The following RECQL4 variants were observed in gnomAD, a reference collection of about 807,000 sequenced individuals.
RECQL4 encodes RecQ like helicase 4.
In RECQL4, 158 loss-of-function variants were observed where a neutral mutation model predicts 128.6. That is an observed-to-expected ratio of 1.23 (90% CI 1.08 to 1.40). The LOEUF is 1.40. Ranked by LOEUF, RECQL4 falls within the 40% of genes most tolerant of loss-of-function variation. RECQL4 has a pLI of 0.00. For missense variants in RECQL4, 2,293 were observed against 1,649.8 expected, an observed-to-expected ratio of 1.39 and a Z score of -6.75; for synonymous variants, 996 against 678.9, an observed-to-expected ratio of 1.47 and a Z score of -7.26.
Position 144,512,931 on chromosome 8 carries a change from G to T in RECQL4, c.2671C>A (p.Pro891Thr), listed in dbSNP as rs757175211. ...EAEQLSHQAA[P>T]GPRRVCMGHE... is the part of the protein sequence containing the mutation. ...CCCATGCAGACCCTTCTGGGTCCTG[G>T]GGCTGCTTGGTGGCTAAGCTGCTCA... The change falls in exon 15 of 21, where the codon CCA becomes ACA. Residue 891 changes from proline (P) to threonine (T), a missense_variant. Physicochemically the swap from Pro to Thr is conservative, Grantham distance 38. Coordinates refer to ENST00000617875, the MANE Select transcript of RECQL4 (RefSeq NM_004260.4). 1.3e-6 allele frequency: 2 copies of T among 1,578,528 alleles called. No individual in the cohort carries two copies. The highest frequency in any genetic ancestry group is 1.7e-6 in the Non-Finnish European group (2 of 1,162,442).
At position 144,512,014 on chromosome 8, in the gene RECQL4, C is replaced by CT; in HGVS notation, c.3289dup (p.Ser1097LysfsTer13). On this transcript the variant is annotated frameshift_variant, in exon 19 of 21. Transcript: ENST00000617875. LOFTEE classifies it high-confidence loss of function. ...GCCGAGCAGGTCCTTGAGCCTGGTG[C>CT]TGCGCTCCTCATCCTGCTGCTCCAG... 6.2e-7 allele frequency: 1 copy of CT among 1,609,150 alleles called. No individual in the cohort carries two copies. The highest frequency in any genetic ancestry group is 8.5e-7 in the Non-Finnish European group (1 of 1,178,874).
Position 144,515,470 on chromosome 8 carries a change from GGA to G in RECQL4, c.1259-15_1259-14del, listed in dbSNP as rs1828022407. The G allele has an allele frequency of 6.2e-7, 1 of 1,612,430 alleles. No individual in the cohort carries two copies. The highest frequency in any genetic ancestry group is 8.5e-7 in the Non-Finnish European group (1 of 1,179,812). ...TCTTCCTCACTTGCTGGGGCAGGCAGGAGAGGGTAGAATGGGAGCTCCAGGTC... is the reference window on the plus strand; with the variant it reads ...TCTTCCTCACTTGCTGGGGCAGGCAGGAGGGTAGAATGGGAGCTCCAGGTC... On this transcript the variant is annotated splice_polypyrimidine_tract_variant and intron_variant, in intron 6 of 20. Coordinates refer to ENST00000617875, the MANE Select transcript of RECQL4 (RefSeq NM_004260.4).
At chr8:144,512,612 C>G (rs1426294498) in intron 16 of RECQL4, 30 bp downstream of exon 16, 1 of 1,611,740 alleles carries the variant, frequency 6.2e-7, no homozygotes, top group Non-Finnish European at 8.5e-7. Flanking sequence ...ATTCTCCAAC[C>G]TCGTCTCCAA....
At position 144,513,129 on chromosome 8, in the gene RECQL4, G is replaced by A. The variant is rs371519199; in HGVS notation, c.2473C>T (p.Leu825=). Residue 825 remains leucine, a synonymous_variant, in exon 15 of 21, where the codon CTG becomes TTG. Transcript: ENST00000617875. ...TGCACATGTCTGCGCAGCTCTCGCA[G>A]GTCTTCGCCCTGCAGGGCAACTTTC... ...HLFLQPQGED[L]RELRRHVHAD... is the part of the protein sequence containing the mutation. 9.2e-6 allele frequency: 14 copies of A among 1,522,538 alleles called. No individual in the cohort carries two copies. The highest frequency in any genetic ancestry group is 2.4e-5 in the South Asian group (2 of 82,712). 94.3% of individuals were successfully genotyped at this position (1,522,538 alleles called of 1,614,324 possible). A position where few individuals can be genotyped will look rare whatever the true frequency, so the allele number is the denominator to read the frequency against.
rs2130713097 is a variant in RECQL4 at position 144,515,836 on chromosome 8, T to C, written c.1186A>G (p.Thr396Ala). Residue 396 changes from threonine (T) to alanine (A), a missense_variant, in exon 6 of 21, where the codon ACA becomes GCA. Physicochemically the swap from Thr to Ala is moderately conservative, Grantham distance 58 (BLOSUM62 0). Transcript: ENST00000617875. ...KGECFGGGGA[T>A]VTTKESCFLN... ...AAACAAGACTCCTTGGTTGTGACTGTGGCACCACCACCCCCAAAACACTCC... is the reference window on the plus strand; with the variant it reads ...AAACAAGACTCCTTGGTTGTGACTGCGGCACCACCACCCCCAAAACACTCC... 1.2e-6 allele frequency: 2 copies of C among 1,612,862 alleles called. No individual in the cohort carries two copies. The highest frequency in any genetic ancestry group is 1.7e-6 in the Non-Finnish European group (2 of 1,179,776).
At chr8:144,517,662 G>A (rs1438902074) in intron 1 of RECQL4, 27 bp from the exon 2 acceptor site, 2 of 1,470,306 alleles carry the variant, frequency 1.4e-6, no homozygotes, top group Non-Finnish European at 1.8e-6. Context: ...TCAGCCGCGG[G>A]CCGCGCCCTC....
In RECQL4 at chr8:144,517,131, C is replaced by T; in HGVS notation, c.273G>A (p.Gln91=). 6.2e-7 allele frequency: 1 copy of T among 1,611,914 alleles called. No homozygotes were observed. The change falls in exon 4 of 21, where the codon CAG becomes CAA. Residue 91 remains glutamine (Q), a synonymous_variant. Transcript: ENST00000617875. ...CCTGGCGGCTCCGCCCTGGCGTAGACTGTGGACTCTTGGTCGCAGCCCGAT... is the reference window on the plus strand; with the variant it reads ...CCTGGCGGCTCCGCCCTGGCGTAGATTGTGGACTCTTGGTCGCAGCCCGAT... The part of the protein sequence containing the change: ...HLNRAATKSP[Q]STPGRSRQGS...
chr8:144,517,821 G>C lies in RECQL4; in HGVS notation c.-37C>G. 2.5e-6 allele frequency: 3 copies of C among 1,188,600 alleles called. No individual in the cohort carries two copies. Among genetic ancestry groups the C allele is most frequent in the South Asian group, 7.2e-5 (2 of 27,832 alleles). The allele number at this position is 1,188,600 out of a possible 1,614,324, so 73.6% of individuals were successfully genotyped here. On this transcript the variant is annotated 5_prime_UTR_variant, in exon 1 of 21. Coordinates refer to ENST00000617875, the MANE Select transcript of RECQL4 (RefSeq NM_004260.4). ...CCGCCCGGCCTCCGCGCTTGCGATC[G>C]TCCAGCGAATCTCCCGCGCAGCCGT...
Position 144,515,207 on chromosome 8 carries a change from G to T in RECQL4, c.1426C>A (p.Leu476Met). The stretch of plus-strand genomic sequence containing the variant: ...CCAGGGCGAAAGGCTTGGTGCCCCA[G>T]CTGCTCCAGGGCCTGGAACACCTCA... ...PAEVFQALEQ[L>M]GHQAFRPGQE... is the part of the protein sequence containing the mutation. Residue 476 changes from leucine to methionine, a missense_variant, in exon 8 of 21, where the codon CTG becomes ATG. Physicochemically the swap from Leu to Met is conservative, Grantham distance 15. Coordinates refer to ENST00000617875, the MANE Select transcript of RECQL4 (RefSeq NM_004260.4). 6.4e-7 allele frequency: 1 copy of T among 1,573,790 alleles called. No homozygotes were observed. The highest frequency in any genetic ancestry group is 8.6e-7 in the Non-Finnish European group (1 of 1,160,572).
Position 144,515,350 on chromosome 8 carries a change from G to A in RECQL4, c.1366C>T (p.Leu456=), listed in dbSNP as rs2130707796. 1 of 1,612,744 alleles carries A rather than the reference G, an allele frequency of 6.2e-7. No homozygotes were observed. The change falls in exon 7 of 21, where the codon CTG becomes TTG. Residue 456 remains leucine (L), a synonymous_variant. Coordinates refer to ENST00000617875, the MANE Select transcript of RECQL4 (RefSeq NM_004260.4). ...CCTGCCAACTGCCCTGAGGGCCCCAGGGAGTAGAGTGGCAGCACGGTGGGG... is the reference window on the plus strand; with the variant it reads ...CCTGCCAACTGCCCTGAGGGCCCCAAGGAGTAGAGTGGCAGCACGGTGGGG... The part of the protein sequence containing the change: ...LDPTVLPLYS[L]GPSGQLAETP...
At position 144,512,944 on chromosome 8, in the gene RECQL4, G is replaced by A. The variant is rs2130670556; in HGVS notation, c.2658C>T (p.Ser886=). Residue 886 remains serine, a synonymous_variant, in exon 15 of 21, where the codon AGC becomes AGT. Coordinates refer to ENST00000617875, the MANE Select transcript of RECQL4 (RefSeq NM_004260.4). ...TTCTGGGTCCTGGGGCTGCTTGGTGGCTAAGCTGCTCAGCCTCTTGAGGGG... is the reference window on the plus strand; with the variant it reads ...TTCTGGGTCCTGGGGCTGCTTGGTGACTAAGCTGCTCAGCCTCTTGAGGGG... ...KYPPQEAEQL[S]HQAAPGPRRV... The A allele has an allele frequency of 1.3e-6, 2 of 1,574,872 alleles. No homozygotes were observed. The highest frequency in any genetic ancestry group is 1.7e-6 in the Non-Finnish European group (2 of 1,160,504).
At position 144,514,036 on chromosome 8, in the gene RECQL4, A is replaced by C. The variant is rs1322122107; in HGVS notation, c.1950T>G (p.Ser650Arg). The C allele has an allele frequency of 1.9e-6, 3 of 1,577,274 alleles. No homozygotes were observed. Among genetic ancestry groups the C allele is most frequent in the Non-Finnish European group, 2.6e-6 (3 of 1,162,672 alleles). ...LTATATRRTA[S>R]DVAQHLAVAE... ...CCACAGCCAGGTGCTGTGCCACGTC[A>C]CTGGCAGTGCGGCGTGTGGCTGTGG... The change falls in exon 12 of 21, where the codon AGT becomes AGG. Residue 650 changes from serine (S) to arginine (R), a missense_variant. Coordinates refer to ENST00000617875, the MANE Select transcript of RECQL4 (RefSeq NM_004260.4).
At chr8:144,516,800 AG>A (rs1369871170) in intron 4 of RECQL4, 36 bp from the exon 5 acceptor site, 1 of 1,508,872 alleles carries the variant, frequency 6.6e-7, no homozygotes. Flanking sequence ...GGAGGAACTC[AG>A]GCCCCTGAGC....
Position 144,515,307 on chromosome 8 carries a change from C to T in RECQL4, c.1390+19G>A, listed in dbSNP as rs2130707319. 2 of 1,611,944 alleles carry T rather than the reference C, an allele frequency of 1.2e-6. No individual in the cohort carries two copies. Among genetic ancestry groups the T allele is most frequent in the South Asian group, 1.1e-5 (1 of 90,924 alleles). ...CCAACCCCTCAGTGAAGGCTCTGGGCCAGAAGCTGACTGCTCACCTGCCAA... is the reference window on the plus strand; with the variant it reads ...CCAACCCCTCAGTGAAGGCTCTGGGTCAGAAGCTGACTGCTCACCTGCCAA... On this transcript the variant is annotated intron_variant, in intron 7 of 20. Coordinates refer to ENST00000617875, the MANE Select transcript of RECQL4 (RefSeq NM_004260.4).
Position 144,511,761 on chromosome 8 carries a change from C to T in RECQL4, c.3422G>A (p.Cys1141Tyr), listed in dbSNP as rs1236914936. 6.2e-7 allele frequency: 1 copy of T among 1,612,616 alleles called. No individual in the cohort carries two copies. Among genetic ancestry groups the T allele is most frequent in the South Asian group, 1.1e-5 (1 of 91,088 alleles). ...RLQDWEDQVR[C>Y]DIRQFLSLRP... ...CAGGGACAGGAACTGGCGGATGTCG[C>T]AGCGGACCTGGTCCTCCCAATCCTG... Residue 1141 changes from cysteine to tyrosine, a missense_variant, in exon 20 of 21, where the codon TGC becomes TAC. Cys to Tyr is a radical substitution (Grantham distance 194, BLOSUM62 -2). Coordinates refer to ENST00000617875, the MANE Select transcript of RECQL4 (RefSeq NM_004260.4).
At chr8:144,514,641 T>A in intron 9 of RECQL4, 116 bp from the exon 10 acceptor site, 1 of 1,141,748 alleles carries the variant, frequency 8.8e-7, no homozygotes. Context: ...GAGAACCAGG[T>A]CCTGGGTCCT....
In RECQL4 at chr8:144,513,136, G is replaced by A. The variant is rs767528470; in HGVS notation, c.2466C>T (p.Gly822=). The change falls in exon 15 of 21, where the codon GGC becomes GGT. Residue 822 remains glycine, a splice_region_variant and synonymous_variant. Transcript: ENST00000617875. ...GTCTGCGCAGCTCTCGCAGGTCTTC[G>A]CCCTGCAGGGCAACTTTCATGAGGG... ...AHCHLFLQPQ[G]EDLRELRRHV... 23 of 1,400,224 alleles carry A rather than the reference G, an allele frequency of 1.6e-5. No homozygotes were observed. The highest frequency in any genetic ancestry group is 2.5e-5 in the South Asian group (2 of 81,396). The allele number at this position is 1,400,224 out of a possible 1,614,324, so 86.7% of individuals were successfully genotyped here. A position where few individuals can be genotyped will look rare whatever the true frequency, so the allele number is the denominator to read the frequency against.
At position 144,516,015 on chromosome 8, in the gene RECQL4, T is replaced by C; in HGVS notation, c.1104A>G (p.Ala368=). Residue 368 remains alanine, a synonymous_variant, in exon 5 of 21, where the codon GCA becomes GCG. Coordinates refer to ENST00000617875, the MANE Select transcript of RECQL4 (RefSeq NM_004260.4). ...GCTTGCGGAGGAGCCTGCTACGGAG[T>C]GCCCGGCCCCGCACGTAGTGTTTCT... ...MKQKHYVRGR[A]LRSRLLRKQA... 6.2e-7 allele frequency: 1 copy of C among 1,609,920 alleles called. No homozygotes were observed. Among genetic ancestry groups the C allele is most frequent in the Non-Finnish European group, 8.5e-7 (1 of 1,177,634 alleles).
Position 144,511,342 on chromosome 8 carries a change from A to G in RECQL4, c.*89T>C. Reference sequence around the variant, plus strand: ...CATTTTGGAGCCTCCTCGTTCCCACACCCTGTGGCAGGTTTTGCCCAGGTC... The same window carrying G: ...CATTTTGGAGCCTCCTCGTTCCCACGCCCTGTGGCAGGTTTTGCCCAGGTC... On this transcript the variant is annotated 3_prime_UTR_variant, in exon 21 of 21. Coordinates refer to ENST00000617875, the MANE Select transcript of RECQL4 (RefSeq NM_004260.4). 1.3e-6 allele frequency: 2 copies of G among 1,581,584 alleles called. No individual in the cohort carries two copies. Among genetic ancestry groups the G allele is most frequent in the Non-Finnish European group, 1.7e-6 (2 of 1,158,202 alleles).
Sources: gnomAD v4.1 joint callset for allele counts on GRCh38, gnomAD v4.1.1 for gene constraint, MANE v1.5 for transcripts, NCBI Gene and HGNC (gene_info 2026-07-23, HGNC 2026-07-21) for gene names.